The following CSMD1 variants were observed in gnomAD, a reference collection of about 807,000 sequenced individuals.
CSMD1 encodes the protein CUB and sushi domain-containing protein 1.
A neutral mutation model predicts 417.5 loss-of-function variants in CSMD1; 213 were observed. The ratio of observed to expected loss-of-function variants is 0.51; its 90% CI spans 0.46 to 0.57. CSMD1 has a LOEUF of 0.57. Among genes scored for constraint, CSMD1 ranks in the 20% least tolerant of loss-of-function variants. The pLI is 0.00. For missense variants in CSMD1, 6,923 were observed against 4,529.7 expected (o/e 1.53, Z -15.17); for synonymous variants, 2,862 against 1,736.8 (o/e 1.65, Z -16.11).
At chr8:4,306,003 C>T (rs12056430) in intron 3 of CSMD1, among the ~76,000 whole-genome samples, 151,520 of 152,314 alleles carry the variant, frequency 0.99, 75,368 homozygotes, top group Middle Eastern at 1. Context: ...AATGGTTGTG[C>T]AATATTATAC....
intron 5 of CSMD1, among the ~76,000 whole-genome samples, chr8:3,935,409 C>G (rs1311621559): frequency 1.3e-5 from 2 of 152,136 alleles, no homozygotes; most frequent in Non-Finnish European, 2.9e-5. Context: ...TTGCATTTTG[C>G]AAATAACTGG....
chr8:3,860,717 C>T (rs1298755256), intron 5 of CSMD1, among the ~76,000 whole-genome samples: 1 of 152,138 alleles, frequency 6.6e-6, no homozygotes, highest in Admixed American at 6.5e-5. Context: ...AAATGCAATA[C>T]ACGCTAATAG....
chr8:3,259,990 C>T (rs1195481090), intron 26 of CSMD1, among the ~76,000 whole-genome samples: 2 of 152,176 alleles, frequency 1.3e-5, no homozygotes, highest in Non-Finnish European at 1.5e-5. Flanking sequence ...ACCACAGGAC[C>T]TGCAAAGCCT....
intron 11 of CSMD1, among the ~76,000 whole-genome samples, chr8:3,493,099 A>C (rs1796203705): frequency 1.3e-5 from 2 of 151,962 alleles, no homozygotes; most frequent in Admixed American, 6.6e-5. Context: ...TTCGAGACCA[A>C]CCGGGCCAAC....
chr8:4,313,151 G>A (rs924787822), intron 3 of CSMD1, among the ~76,000 whole-genome samples: 1 of 152,040 alleles, frequency 6.6e-6, no homozygotes, highest in Non-Finnish European at 1.5e-5. Context: ...AGCTGGAACT[G>A]GTCTTTAATT....
chr8:3,924,643 G>A (rs1036656031), intron 5 of CSMD1, among the ~76,000 whole-genome samples: 1 of 152,040 alleles, frequency 6.6e-6, no homozygotes, highest in African/African-American at 2.4e-5. Context: ...TGAGTCTGCT[G>A]TTTAAACACT....
chr8:4,289,081 T>C (rs1043883642), intron 3 of CSMD1, among the ~76,000 whole-genome samples: 1 of 152,166 alleles, frequency 6.6e-6, no homozygotes, highest in African/African-American at 2.4e-5. Flanking sequence ...AAAATAAAAT[T>C]ATATTTGGTG....
intron 1 of CSMD1, among the ~76,000 whole-genome samples, chr8:4,758,228 G>C (rs181014616): frequency 6.6e-6 from 1 of 152,026 alleles, no homozygotes; most frequent in Non-Finnish European, 1.5e-5. Flanking sequence ...GTCTTTATCT[G>C]GGTAAGGAGG....
chr8:3,451,889 C>G (rs1026215792), intron 12 of CSMD1, among the ~76,000 whole-genome samples: 10 of 152,178 alleles, frequency 6.6e-5, no homozygotes, highest in Non-Finnish European at 1.5e-4. Context: ...GGCATTGAAT[C>G]TATAAATTAC....
At chr8:4,370,259 A>T (rs1802321566) in intron 3 of CSMD1, among the ~76,000 whole-genome samples, 2 of 151,886 alleles carry the variant, frequency 1.3e-5, no homozygotes, top group South Asian at 4.1e-4. Context: ...AGGATATTCA[A>T]TACAGGCTCC....
chr8:3,791,317 A>C (rs1799728334), intron 5 of CSMD1, among the ~76,000 whole-genome samples: 2 of 152,214 alleles, frequency 1.3e-5, no homozygotes, highest in Non-Finnish European at 2.9e-5. Flanking sequence ...TCTGAATTTA[A>C]GTATAGTAGA....
chr8:3,793,260 G>C (rs1002165644), intron 5 of CSMD1, among the ~76,000 whole-genome samples: 1 of 152,150 alleles, frequency 6.6e-6, no homozygotes, highest in African/African-American at 2.4e-5. Context: ...TCAATCTCAA[G>C]CGACTGCAGC....
At chr8:4,791,611 G>C (rs1053583965) in intron 1 of CSMD1, among the ~76,000 whole-genome samples, 2 of 152,168 alleles carry the variant, frequency 1.3e-5, no homozygotes, top group African/African-American at 4.8e-5. Flanking sequence ...AAGCAGCAAT[G>C]TTACCAACGT....
intron 5 of CSMD1, among the ~76,000 whole-genome samples, chr8:3,968,776 G>A (rs1044871196): frequency 6.6e-6 from 1 of 152,108 alleles, no homozygotes; most frequent in Admixed American, 6.5e-5. Flanking sequence ...GATGGGTGGG[G>A]ATTTGTAATT....
chr8:4,944,414 T>C (rs1440795832), intron 1 of CSMD1, among the ~76,000 whole-genome samples: 1 of 152,192 alleles, frequency 6.6e-6, no homozygotes, highest in East Asian at 1.9e-4. Flanking sequence ...AGGAATTCTC[T>C]TGAAATACTT....
At chr8:4,764,354 A>G (rs1303063996) in intron 1 of CSMD1, among the ~76,000 whole-genome samples, 1 of 152,218 alleles carries the variant, frequency 6.6e-6, no homozygotes, top group Non-Finnish European at 1.5e-5. Flanking sequence ...ATTAGTATCA[A>G]TTCACAAAGG....
At chr8:3,858,246 T>G (rs1055889527) in intron 5 of CSMD1, among the ~76,000 whole-genome samples, 7 of 152,220 alleles carry the variant, frequency 4.6e-5, no homozygotes, top group Admixed American at 3.3e-4. Flanking sequence ...TATTTTGCTT[T>G]GATAAAGTCC....
At chr8:3,637,480 A>G (rs1414228203) in intron 7 of CSMD1, among the ~76,000 whole-genome samples, 1 of 152,212 alleles carries the variant, frequency 6.6e-6, no homozygotes, top group Non-Finnish European at 1.5e-5. Flanking sequence ...ATAGCTTCAG[A>G]ATTGTTCTTC....
At chr8:4,430,997 C>G (rs1301367085) in intron 2 of CSMD1, among the ~76,000 whole-genome samples, 1 of 152,142 alleles carries the variant, frequency 6.6e-6, no homozygotes, top group African/African-American at 2.4e-5. Context: ...AGTTATGCCA[C>G]TTTTCTCTGG....
Sources: gnomAD v4.1 joint callset for allele counts (sites outside exome capture counted in the v4.1 genomes callset) on GRCh38, gnomAD v4.1.1 for gene constraint, MANE v1.5 for transcripts, NCBI Gene and HGNC (gene_info 2026-07-23, HGNC 2026-07-21) for gene names.